FRMD4B: variants seen among roughly 807,000 people sequenced by gnomAD.
FRMD4B encodes the protein FERM domain containing 4B, also known as FERM domain-containing protein 4B.
FRMD4B carries 74 observed loss-of-function variants against 141.5 expected under a neutral mutation model. That is an observed-to-expected ratio of 0.52 (90% confidence interval 0.43 to 0.63). FRMD4B has a LOEUF of 0.63. Ranked by LOEUF, FRMD4B falls within the 30% of genes least tolerant of loss-of-function variation. The pLI is 0.00. For missense variants in FRMD4B, 1,366 were observed against 1,253.4 expected (o/e 1.09, Z -1.36); for synonymous variants, 506 against 467.9 (o/e 1.08, Z -1.05).
At chr3:69,412,840 C>CTTTTTT (rs869150440) in intron 2 of FRMD4B, among the ~76,000 whole-genome samples, 2 of 54,242 alleles carry the variant, frequency 3.7e-5, no homozygotes, top group Admixed American at 2.5e-4. Flanking sequence ...AGAAGCTCCA[C>CTTTTTT]TTTTTTTTTT....
intron 5 of FRMD4B, among the ~76,000 whole-genome samples, chr3:69,259,985 G>C (rs1296052370): frequency 6.6e-6 from 1 of 152,190 alleles, no homozygotes; most frequent in African/African-American, 2.4e-5. Flanking sequence ...TGATCATAAA[G>C]TTTTGTGATA....
intron 3 of FRMD4B, among the ~76,000 whole-genome samples, chr3:69,305,209 G>T (rs1689132294): frequency 6.6e-6 from 1 of 152,186 alleles, no homozygotes; most frequent in South Asian, 2.1e-4. Flanking sequence ...CTAGAGGGTT[G>T]AATCAGCTTT....
chr3:69,219,562 A>G (rs1447992308), intron 9 of FRMD4B, among the ~76,000 whole-genome samples: 1 of 152,158 alleles, frequency 6.6e-6, no homozygotes, highest in Non-Finnish European at 1.5e-5. Context: ...GAAGCCACAC[A>G]ATAATGATCA....
At chr3:69,235,220 A>T (rs2093337878) in intron 7 of FRMD4B, among the ~76,000 whole-genome samples, 1 of 150,610 alleles carries the variant, frequency 6.6e-6, no homozygotes. Flanking sequence ...AGAAACTGTA[A>T]TCAACTCCTT....
intron 1 of FRMD4B, among the ~76,000 whole-genome samples, chr3:69,358,696 A>G (rs1703392053): frequency 6.6e-6 from 1 of 152,190 alleles, no homozygotes; most frequent in Non-Finnish European, 1.5e-5. Flanking sequence ...AGACTCTGCC[A>G]CTACACTTCA....
chr3:69,178,679 GA>G (rs11294141), intron 21 of FRMD4B, among the ~76,000 whole-genome samples: 114,468 of 127,272 alleles, frequency 0.9, 51,247 homozygotes, highest in Middle Eastern at 0.96. Flanking sequence ...CTTTAAAAAA[GA>G]AAAAAAAAAA....
At chr3:69,345,170 T>C (rs917282133) in intron 1 of FRMD4B, among the ~76,000 whole-genome samples, 6 of 152,164 alleles carry the variant, frequency 3.9e-5, no homozygotes, top group African/African-American at 1.4e-4. Flanking sequence ...TCTTAGCAAA[T>C]GGCACACCAG....
intron 1 of FRMD4B, among the ~76,000 whole-genome samples, chr3:69,361,489 G>A (rs1260793049): frequency 6.6e-6 from 1 of 151,912 alleles, no homozygotes; most frequent in Non-Finnish European, 1.5e-5. Context: ...TTTCCAGAAA[G>A]CTACCTCTGC....
At chr3:69,294,965 C>T (rs1306682294) in intron 4 of FRMD4B, among the ~76,000 whole-genome samples, 1 of 152,180 alleles carries the variant, frequency 6.6e-6, no homozygotes, top group African/African-American at 2.4e-5. Flanking sequence ...GCCAGACAAT[C>T]CCAAATCTTT....
intron 1 of FRMD4B, among the ~76,000 whole-genome samples, chr3:69,524,701 A>G (rs1358218255): frequency 1.3e-5 from 2 of 152,188 alleles, no homozygotes; most frequent in Non-Finnish European, 2.9e-5. Flanking sequence ...GGAAGGAAGG[A>G]AGAACAAGTA....
At chr3:69,490,651 CAGT>C (rs1706288052) in intron 1 of FRMD4B, among the ~76,000 whole-genome samples, 1 of 152,190 alleles carries the variant, frequency 6.6e-6, no homozygotes, top group African/African-American at 2.4e-5. Context: ...AAGTACCTAA[CAGT>C]AGCTTCTGTC....
At chr3:69,224,149 A>G (rs2093226773) in intron 8 of FRMD4B, among the ~76,000 whole-genome samples, 1 of 152,216 alleles carries the variant, frequency 6.6e-6, no homozygotes, top group African/African-American at 2.4e-5. Flanking sequence ...TGGATTCACT[A>G]ATGTACAAAC....
intron 4 of FRMD4B, among the ~76,000 whole-genome samples, chr3:69,293,429 T>G (rs1029915087): frequency 1.8e-5 from 2 of 112,426 alleles, no homozygotes; most frequent in African/African-American, 5.5e-5. Context: ...TGAGAGGGTT[T>G]GAAATGTGCT....
At chr3:69,410,877 G>A (rs1306433948) in intron 2 of FRMD4B, among the ~76,000 whole-genome samples, 8 of 151,122 alleles carry the variant, frequency 5.3e-5, no homozygotes, top group Non-Finnish European at 1.2e-4. Context: ...TCCCATCTCA[G>A]GTCTCAAGAA....
chr3:69,214,845 C>T (rs1212718051), intron 11 of FRMD4B, among the ~76,000 whole-genome samples: 2 of 151,320 alleles, frequency 1.3e-5, no homozygotes, highest in African/African-American at 2.4e-5. Context: ...CAAGGGAACA[C>T]AGCGAGACTC....
At chr3:69,507,739 T>G (rs891268973) in intron 1 of FRMD4B, among the ~76,000 whole-genome samples, 2 of 152,170 alleles carry the variant, frequency 1.3e-5, no homozygotes, top group African/African-American at 4.8e-5. Flanking sequence ...TGGCCCAGGT[T>G]TGCAGCCTTC....
chr3:69,322,909 G>T (rs1366312909), intron 1 of FRMD4B: 2 of 265,034 alleles, frequency 7.5e-6, no homozygotes, highest in Non-Finnish European at 1.2e-5. Context: ...TTTCATAGAT[G>T]ACCAAACTGA....
chr3:69,466,809 T>C (rs1054613272), intron 1 of FRMD4B, among the ~76,000 whole-genome samples: 17 of 152,110 alleles, frequency 1.1e-4, no homozygotes, highest in African/African-American at 3.9e-4. Flanking sequence ...GATCCTCCCA[T>C]CTCAGGATCC....
intron 5 of FRMD4B, among the ~76,000 whole-genome samples, chr3:69,257,218 C>T (rs945209464): frequency 1.3e-5 from 2 of 152,140 alleles, no homozygotes; most frequent in Admixed American, 6.6e-5. Context: ...GGTAAAATTG[C>T]CTTTTTGGAA....
Sources: gnomAD v4.1 joint callset for allele counts (sites outside exome capture counted in the v4.1 genomes callset) on GRCh38, gnomAD v4.1.1 for gene constraint, MANE v1.5 for transcripts, NCBI Gene and HGNC (gene_info 2026-07-23, HGNC 2026-07-21) for gene names.